The following TUSC3 variants were observed in gnomAD, a reference collection of about 807,000 sequenced individuals.
TUSC3 encodes the protein tumor suppressor candidate 3.
TUSC3 carries 45 observed loss-of-function variants against 44.8 expected under a neutral mutation model. That is an observed-to-expected ratio of 1.00 (90% CI 0.79 to 1.29). TUSC3 has a LOEUF of 1.29. Ranked by LOEUF, TUSC3 falls within the 50% of genes most tolerant of loss-of-function variation. The pLI is 0.00. For synonymous variants in TUSC3, 212 were observed against 152.9 expected (o/e 1.39, Z -2.85); for missense variants, 519 against 437.9 (o/e 1.19, Z -1.65).
At chr8:15,743,437 C>T in intron 7 of TUSC3, 101 bp from the exon 8 acceptor site, 1 of 1,140,348 alleles carries the variant, frequency 8.8e-7, no homozygotes, top group East Asian at 2.4e-5. Context: ...CCTCTGTGTG[C>T]ATTTGTAGTT....
the TUSC3 span, among the ~76,000 whole-genome samples, chr8:15,816,606 C>T: frequency 0.17 from 25,879 of 152,040 alleles, 2,365 homozygotes; most frequent in Admixed American, 0.28. Context: ...ATTCGTAAGA[C>T]GATGTTGCCC....
intron 3 of TUSC3, 62 bp downstream of exon 3, chr8:15,650,876 T>A: frequency 6.5e-7 from 1 of 1,537,886 alleles, no homozygotes; most frequent in Non-Finnish European, 9.0e-7. Context: ...ACATTTTTGT[T>A]TGTCACATAA....
rs117406152 is a variant in TUSC3, at chr8:15,672,180, G to C, written c.709-1567G>C. 5.5e-4 allele frequency among the ~76,000 whole-genome samples: 83 copies of C among 152,134 alleles called. 1 individual carries two copies. The East Asian group carries it at 0.015, about 27-fold the overall frequency. ...GCCAGTTAAGGAGCGGTAGGACATG[G>C]AGCTATTTAAGGAGTATGGGAGCAA... On this transcript the variant is annotated intron_variant, in intron 5 of 10. Coordinates refer to ENST00000503731, the MANE Select transcript of TUSC3 (RefSeq NM_006765.4).
At chr8:15,442,816 T>C (rs907364701) in intron 1 of TUSC3, among the ~76,000 whole-genome samples, 2 of 152,206 alleles carry the variant, frequency 1.3e-5, no homozygotes, top group Admixed American at 1.3e-4. Flanking sequence ...TCTTCCCTAC[T>C]AGACCTCAGC....
intron 2 of TUSC3, among the ~76,000 whole-genome samples, chr8:15,624,299 T>C (rs776305506): frequency 2.0e-4 from 31 of 152,204 alleles, no homozygotes; most frequent in Admixed American, 2.6e-4. Context: ...TGCAGGTTTT[T>C]ATGTGAACTT....
chr8:15,630,463 T>A (rs1191196750), intron 2 of TUSC3, among the ~76,000 whole-genome samples: 1 of 151,878 alleles, frequency 6.6e-6, no homozygotes, highest in Non-Finnish European at 1.5e-5. Flanking sequence ...GTATATATAT[T>A]ATGTCATGTG....
the TUSC3 span, among the ~76,000 whole-genome samples, chr8:15,786,215 T>C: frequency 6.6e-6 from 1 of 152,344 alleles, no homozygotes; most frequent in East Asian, 1.9e-4. Flanking sequence ...CTTCATTACA[T>C]ACAAGCTTGT....
At chr8:15,621,786 A>G (rs1805258311) in intron 1 of TUSC3, among the ~76,000 whole-genome samples, 1 of 151,268 alleles carries the variant, frequency 6.6e-6, no homozygotes, top group Admixed American at 6.6e-5. Flanking sequence ...CTTTTAAAAA[A>G]AAAACACAGC....
At chr8:15,449,111 A>C (rs1800159562) in intron 1 of TUSC3, among the ~76,000 whole-genome samples, 1 of 152,192 alleles carries the variant, frequency 6.6e-6, no homozygotes, top group Non-Finnish European at 1.5e-5. Context: ...GTATATGGTC[A>C]TTCTGACAAG....
the TUSC3 span, among the ~76,000 whole-genome samples, chr8:15,819,870 C>A: frequency 6.6e-6 from 1 of 152,082 alleles, no homozygotes; most frequent in Non-Finnish European, 1.5e-5. Flanking sequence ...TGGGATCTTC[C>A]CTTCTTGTCC....
chr8:15,628,357 G>A (rs553387522), intron 2 of TUSC3, among the ~76,000 whole-genome samples: 32 of 152,146 alleles, frequency 2.1e-4, no homozygotes, highest in Non-Finnish European at 3.7e-4. Flanking sequence ...ATGCATTTTG[G>A]TGTTAAATCA....
At chr8:15,458,644 G>C (rs1205854575) in intron 1 of TUSC3, among the ~76,000 whole-genome samples, 1 of 152,194 alleles carries the variant, frequency 6.6e-6, no homozygotes, top group Non-Finnish European at 1.5e-5. Context: ...TCTATAATCT[G>C]ATTCTTCCAC....
At chr8:15,523,680 G>A (rs1399880411) in intron 2 of TUSC3, among the ~76,000 whole-genome samples, 1,874 of 37,318 alleles carry the variant, frequency 0.05, 154 homozygotes, top group African/African-American at 0.14. Flanking sequence ...GTGTGTGTGT[G>A]TGTGTGTGTG....
intron 1 of TUSC3, among the ~76,000 whole-genome samples, chr8:15,585,685 A>C (rs1803568005): frequency 6.6e-6 from 1 of 152,040 alleles, no homozygotes; most frequent in South Asian, 2.1e-4. Flanking sequence ...TAGGGGATGG[A>C]ATTTTCCATT....
intron 1 of TUSC3, among the ~76,000 whole-genome samples, chr8:15,577,387 C>G (rs1201521434): frequency 6.6e-6 from 1 of 151,746 alleles, no homozygotes. Flanking sequence ...AGTCCTTGCC[C>G]ATGCCTATGT....
intron 1 of TUSC3, among the ~76,000 whole-genome samples, chr8:15,555,570 C>A (rs575518802): frequency 1.3e-5 from 2 of 151,582 alleles, no homozygotes; most frequent in African/African-American, 2.4e-5. Flanking sequence ...GCTGGGATTA[C>A]AGTATTACAG....
intron 1 of TUSC3, among the ~76,000 whole-genome samples, chr8:15,569,085 T>C (rs1802775083): frequency 6.6e-6 from 1 of 152,154 alleles, no homozygotes; most frequent in Admixed American, 6.6e-5. Context: ...TTTTGAAAAT[T>C]ATAAAAAATC....
chr8:15,437,479 A>T (rs912542082), intron 1 of TUSC3, among the ~76,000 whole-genome samples: 5 of 152,170 alleles, frequency 3.3e-5, no homozygotes, highest in African/African-American at 1.2e-4. Context: ...TCTACTATTA[A>T]TATTTGGTTT....
the TUSC3 span, among the ~76,000 whole-genome samples, chr8:15,819,994 A>G: frequency 0.34 from 52,301 of 151,954 alleles, 10,024 homozygotes; most frequent in African/African-American, 0.5. Flanking sequence ...TATTATGCTG[A>G]CTACATGTTT....
Sources: gnomAD v4.1 joint callset for allele counts (sites outside exome capture counted in the v4.1 genomes callset) on GRCh38, gnomAD v4.1.1 for gene constraint, MANE v1.5 for transcripts, NCBI Gene and HGNC (gene_info 2026-07-23, HGNC 2026-07-21) for gene names.